The following DCAF8L2 variants were observed in gnomAD, a reference collection of about 807,000 sequenced individuals.
DCAF8L2 encodes the protein DDB1 and CUL4 associated factor 8 like 2.
For missense variants in DCAF8L2, 430 were observed against 490.7 expected (o/e 0.88, Z 1.17); for synonymous variants, 200 against 190.9 (o/e 1.05, Z -0.39).
At position 27,748,023 on chromosome X, in the gene DCAF8L2, C is replaced by T. The variant is rs1450260639; in HGVS notation, c.1128C>T (p.Pro376=). 11 of 1,211,671 alleles carry T rather than the reference C, an allele frequency of 9.1e-6. No individual in the cohort carries two copies. Among genetic ancestry groups the T allele is most frequent in the South Asian group, 1.8e-5 (1 of 56,979 alleles). The change falls in exon 5 of 5, where the codon CCC becomes CCT. Residue 376 remains proline, a synonymous_variant. Transcript: ENST00000451261. ...KVGLYTITVN[P]ANTYQFAVGG... is the part of the protein sequence containing the mutation. ...GACTGTATACAATTACTGTGAATCC[C>T]GCCAATACCTACCAATTTGCAGTGG... is the stretch of plus-strand genomic sequence containing the variant.
the DCAF8L2 span, among the ~76,000 whole-genome samples, chrX:27,490,793 A>T: frequency 3.6e-5 from 4 of 111,406 alleles, no homozygotes; most frequent in African/African-American, 6.5e-5. Context: ...CATCACACAA[A>T]TACTAGATAT....
chrX:27,537,993 G>A, the DCAF8L2 span, among the ~76,000 whole-genome samples: 1 of 111,127 alleles, frequency 9.0e-6, no homozygotes, highest in African/African-American at 3.3e-5. Flanking sequence ...CCCTATTTTT[G>A]AACAAATTAT....
At chrX:27,479,803 G>A in the DCAF8L2 span, among the ~76,000 whole-genome samples, 1 of 111,908 alleles carries the variant, frequency 8.9e-6, no homozygotes, top group Non-Finnish European at 1.9e-5. Context: ...ATATTATCCA[G>A]TCCCCTTTCA....
the DCAF8L2 span, among the ~76,000 whole-genome samples, chrX:27,514,668 CAAAAAAAAA>C: frequency 0.021 from 53 of 2,526 alleles, no homozygotes; most frequent in East Asian, 0.12. Context: ...GACTCCGTCT[CAAAAAAAAA>C]AAAAAAAAAA....
At chrX:27,545,007 T>G in the DCAF8L2 span, among the ~76,000 whole-genome samples, 1 of 112,212 alleles carries the variant, frequency 8.9e-6, no homozygotes, top group Non-Finnish European at 1.9e-5. Flanking sequence ...TTTAAAAATT[T>G]TAGCAGTTTA....
At chrX:27,525,536 T>A in the DCAF8L2 span, among the ~76,000 whole-genome samples, 1 of 111,679 alleles carries the variant, frequency 9.0e-6, no homozygotes, top group Non-Finnish European at 1.9e-5. Flanking sequence ...ACATTTAGGG[T>A]TAATATTGTT....
chrX:27,657,340 C>T (rs765663070), intron 2 of DCAF8L2, among the ~76,000 whole-genome samples: 1 of 111,239 alleles, frequency 9.0e-6, no homozygotes, highest in African/African-American at 3.3e-5. Context: ...TTACAGTCAT[C>T]ATTTCATTTG....
intron 4 of DCAF8L2, among the ~76,000 whole-genome samples, chrX:27,744,001 G>A (rs1716961265): frequency 9.0e-6 from 1 of 111,205 alleles, no homozygotes; most frequent in South Asian, 3.8e-4. Flanking sequence ...CCAAAGTGCT[G>A]GGATTATAGA....
chrX:27,746,714 T>C, intron 4 of DCAF8L2, 124 bp from the exon 5 acceptor site: 1 of 426,916 alleles, frequency 2.3e-6, no homozygotes, highest in Non-Finnish European at 4.0e-6. Context: ...GATCCCATAC[T>C]GGCAACTGCC....
the DCAF8L2 span, among the ~76,000 whole-genome samples, chrX:27,573,067 GA>G: frequency 5.6e-5 from 6 of 107,573 alleles, no homozygotes; most frequent in Admixed American, 1.0e-4. Context: ...GACCCAACTT[GA>G]AAAAAAAAAT....
Position 27,748,050 on chromosome X carries a change from T to G in DCAF8L2, c.1155T>G (p.Gly385=). 8.3e-7 allele frequency: 1 copy of G among 1,211,955 alleles called. No individual in the cohort carries two copies. Among genetic ancestry groups the G allele is most frequent in the Non-Finnish European group, 1.1e-6 (1 of 895,549 alleles). Residue 385 remains glycine, a synonymous_variant, in exon 5 of 5, where the codon GGT becomes GGG. Coordinates refer to ENST00000451261, the MANE Select transcript of DCAF8L2 (RefSeq NM_001353450.2). The part of the protein sequence containing the change: ...NPANTYQFAV[G]GQDQFVRIYD... ...CCAATACCTACCAATTTGCAGTGGG[T>G]GGACAAGATCAGTTTGTAAGGATTT...
the DCAF8L2 span, among the ~76,000 whole-genome samples, chrX:27,497,693 C>G: frequency 3.6e-5 from 4 of 110,563 alleles, no homozygotes. Flanking sequence ...CTCAGCCTCC[C>G]GAGTAGCTGG....
At chrX:27,513,566 G>A in the DCAF8L2 span, among the ~76,000 whole-genome samples, 7 of 109,808 alleles carry the variant, frequency 6.4e-5, no homozygotes, top group East Asian at 5.8e-4. Flanking sequence ...TTAGCTGGGC[G>A]TGGTGGCGTG....
chrX:27,517,996 C>G, the DCAF8L2 span: 15 of 1,137,094 alleles, frequency 1.3e-5, no homozygotes, highest in African/African-American at 2.5e-4. Flanking sequence ...TCCTACATGG[C>G]TTAAACTAAA....
intron 3 of DCAF8L2, among the ~76,000 whole-genome samples, chrX:27,710,981 T>C (rs1343294692): frequency 1.8e-5 from 2 of 112,026 alleles, no homozygotes; most frequent in Non-Finnish European, 3.8e-5. Context: ...AAAACGATTT[T>C]TCTGCATCTC....
intron 4 of DCAF8L2, 159 bp from the exon 5 acceptor site, chrX:27,746,679 G>A (rs1922181793): frequency 2.6e-6 from 1 of 385,266 alleles, no homozygotes; most frequent in East Asian, 3.9e-5. Flanking sequence ...CGGCGAGCAG[G>A]TAAGAAGCTT....
intron 1 of DCAF8L2, among the ~76,000 whole-genome samples, chrX:27,613,389 A>G (rs1267299693): frequency 1.8e-5 from 2 of 111,605 alleles, no homozygotes; most frequent in African/African-American, 6.5e-5. Flanking sequence ...CAATCATGTC[A>G]TCTGCAAACA....
At chrX:27,644,810 A>G (rs947374040) in intron 2 of DCAF8L2, among the ~76,000 whole-genome samples, 6 of 111,957 alleles carry the variant, frequency 5.4e-5, no homozygotes, top group African/African-American at 1.6e-4. Flanking sequence ...GCTGGAGTGC[A>G]GTGGCGCAAT....
intron 3 of DCAF8L2, among the ~76,000 whole-genome samples, chrX:27,693,944 G>C (rs1475436998): frequency 9.0e-6 from 1 of 111,668 alleles, no homozygotes; most frequent in Non-Finnish European, 1.9e-5. Flanking sequence ...CAATAGCAAA[G>C]ACATGGAATC....
Sources: gnomAD v4.1 joint callset for allele counts (sites outside exome capture counted in the v4.1 genomes callset) on GRCh38, gnomAD v4.1.1 for gene constraint, MANE v1.5 for transcripts, NCBI Gene and HGNC (gene_info 2026-07-23, HGNC 2026-07-21) for gene names.